Variants in FBXL17 observed in about 807,000 individuals in gnomAD.
FBXL17 encodes F-box/LRR-repeat protein 17.
In FBXL17, 22 loss-of-function variants were observed where a neutral mutation model predicts 66.2. That is an observed-to-expected ratio of 0.33 (90% CI 0.24 to 0.47). The LOEUF (loss-of-function observed/expected upper bound fraction) is 0.47, where lower values mean the gene tolerates loss of function less well. FBXL17 is among the 20% of genes least tolerant of loss of function. The pLI, the probability that FBXL17 is intolerant of heterozygous loss-of-function variation, is 1.00. For missense variants in FBXL17, 878 were observed against 948.2 expected (o/e 0.93, Z 0.97); for synonymous variants, 474 against 400.5 (o/e 1.18, Z -2.19).
chr5:108,150,761 T>C (rs1411886284), intron 6 of FBXL17, among the ~76,000 whole-genome samples: 2 of 152,208 alleles, frequency 1.3e-5, no homozygotes, highest in East Asian at 1.9e-4. Flanking sequence ...GATCACAGGA[T>C]CACATATGAA....
chr5:108,373,024 A>G (rs1233417740), intron 1 of FBXL17, among the ~76,000 whole-genome samples: 1 of 151,884 alleles, frequency 6.6e-6, no homozygotes, highest in Admixed American at 6.6e-5. Flanking sequence ...ATACAGGAGC[A>G]AAGTTTTTAT....
At chr5:108,002,653 TA>T (rs966603157) in intron 7 of FBXL17, among the ~76,000 whole-genome samples, 67 of 151,606 alleles carry the variant, frequency 4.4e-4, no homozygotes, top group African/African-American at 1.3e-3. Context: ...GGTGAAAGGA[TA>T]AAAAAAAGTG....
rs189014824 is a variant in FBXL17 at position 108,372,574 on chromosome 5, G to T, written c.994-4621C>A. ...AGGACACTCAATACAATCAACAACT[G>T]ATTTTTCACTGGAAACCATGGAGAC... On this transcript the variant is annotated intron_variant, in intron 1 of 8. Coordinates refer to ENST00000542267, the MANE Select transcript of FBXL17 (RefSeq NM_001163315.3). Among the ~76,000 whole-genome samples, 22 of 152,278 alleles carry T rather than the reference G, an allele frequency of 1.4e-4. No homozygotes were observed. In the South Asian group the frequency reaches 2.7e-3, roughly 19 times the overall value.
At chr5:108,009,616 C>T (rs1050394653) in intron 7 of FBXL17, among the ~76,000 whole-genome samples, 4 of 151,906 alleles carry the variant, frequency 2.6e-5, no homozygotes, top group Middle Eastern at 3.2e-3. Context: ...GAAAGAAACA[C>T]ATTTGACAGA....
chr5:108,338,452 C>T (rs1483617756), intron 4 of FBXL17, among the ~76,000 whole-genome samples: 1 of 152,052 alleles, frequency 6.6e-6, no homozygotes, highest in Non-Finnish European at 1.5e-5. Context: ...AGATTTTATG[C>T]TCCAATCAAA....
chr5:108,086,010 C>A (rs776399900), intron 6 of FBXL17, among the ~76,000 whole-genome samples: 4 of 152,142 alleles, frequency 2.6e-5, no homozygotes, highest in Non-Finnish European at 5.9e-5. Context: ...ATATCCCCTG[C>A]CCCTTTTTTC....
At chr5:108,171,318 G>A (rs1752597363) in intron 6 of FBXL17, among the ~76,000 whole-genome samples, 1 of 152,182 alleles carries the variant, frequency 6.6e-6, no homozygotes, top group Non-Finnish European at 1.5e-5. Flanking sequence ...AGAATAAGGT[G>A]TTGGAGGCAG....
In FBXL17 at chr5:108,264,253, A is replaced by T. The variant is rs185170850; in HGVS notation, c.1507-40025T>A. Among the ~76,000 whole-genome samples, 519 of 147,926 alleles carry T rather than the reference A, an allele frequency of 3.5e-3. 4 individuals are homozygous for T. Among genetic ancestry groups the T allele is most frequent in the African/African-American group, 0.012 (501 of 40,586 alleles). On this transcript the variant is annotated intron_variant, in intron 4 of 8. Coordinates refer to ENST00000542267, the MANE Select transcript of FBXL17 (RefSeq NM_001163315.3). ...AAAAAAAAAAAAAATCTCTACTTTA[A>T]ACGTCTCTTTTGAATGAAATCATTT...
At chr5:108,367,566 C>T (rs895047531) in intron 2 of FBXL17, among the ~76,000 whole-genome samples, 1 of 151,956 alleles carries the variant, frequency 6.6e-6, no homozygotes, top group Non-Finnish European at 1.5e-5. Context: ...AGTTTAATAA[C>T]TTTTTGAAAA....
intron 7 of FBXL17, among the ~76,000 whole-genome samples, chr5:107,930,304 T>C (rs1408510294): frequency 6.6e-6 from 1 of 152,126 alleles, no homozygotes; most frequent in Non-Finnish European, 1.5e-5. Flanking sequence ...CCAAACTCTC[T>C]CCCCTCTGCC....
intron 7 of FBXL17, among the ~76,000 whole-genome samples, chr5:107,999,339 A>T (rs532361466): frequency 6.6e-6 from 1 of 152,162 alleles, no homozygotes; most frequent in South Asian, 2.1e-4. Context: ...GGCACTAGCC[A>T]TGCAAGACTC....
At chr5:108,223,615 C>G (rs889103665) in intron 5 of FBXL17, among the ~76,000 whole-genome samples, 1 of 152,126 alleles carries the variant, frequency 6.6e-6, no homozygotes, top group Non-Finnish European at 1.5e-5. Flanking sequence ...TACTAAAGAA[C>G]TGGCAGTTTG....
intron 6 of FBXL17, among the ~76,000 whole-genome samples, chr5:108,172,237 T>C (rs1351916303): frequency 6.6e-6 from 1 of 152,204 alleles, no homozygotes; most frequent in Admixed American, 6.5e-5. Flanking sequence ...CACATGTTGG[T>C]GGCAGTATTC....
chr5:108,111,700 A>T (rs1375704186), intron 6 of FBXL17, among the ~76,000 whole-genome samples: 1 of 152,214 alleles, frequency 6.6e-6, no homozygotes, highest in African/African-American at 2.4e-5. Context: ...CTGTCTGTAC[A>T]TGCTAGCTTT....
At chr5:108,122,731 T>C (rs530507691) in intron 6 of FBXL17, among the ~76,000 whole-genome samples, 2 of 152,318 alleles carry the variant, frequency 1.3e-5, no homozygotes, top group African/African-American at 4.8e-5. Context: ...TATTGTCTAC[T>C]GAATTATTTA....
intron 7 of FBXL17, among the ~76,000 whole-genome samples, chr5:107,985,689 T>TA (rs1752988189): frequency 6.6e-6 from 1 of 152,224 alleles, no homozygotes; most frequent in South Asian, 2.1e-4. Flanking sequence ...GATCTCATAT[T>TA]AAACTATGGC....
intron 8 of FBXL17, among the ~76,000 whole-genome samples, chr5:107,875,109 T>C (rs1041735978): frequency 3.9e-4 from 56 of 143,104 alleles, no homozygotes; most frequent in Non-Finnish European, 5.0e-4. Flanking sequence ...CTCTCTCTCT[T>C]TTTTTTTTTT....
At chr5:108,244,499 T>C (rs947850702) in intron 4 of FBXL17, among the ~76,000 whole-genome samples, 17 of 152,172 alleles carry the variant, frequency 1.1e-4, no homozygotes, top group Admixed American at 9.8e-4. Flanking sequence ...AAGACCTGCA[T>C]GCCATGCGTA....
In FBXL17 at chr5:108,121,415, TAC is replaced by T. The variant is rs550180425; in HGVS notation, c.1745+64700_1745+64701del. Among the ~76,000 whole-genome samples, 31 of 152,312 alleles carry T rather than the reference TAC, an allele frequency of 2.0e-4. No individual in the cohort carries two copies. In the East Asian group the frequency reaches 5.8e-3, roughly 28 times the overall value. ...ATAGGAAGCACACATTTATATGCTCTACACACAAAGTCTTGACAAAAATGTAA... is the reference window on the plus strand; with the variant it reads ...ATAGGAAGCACACATTTATATGCTCTACACAAAGTCTTGACAAAAATGTAA... On this transcript the variant is annotated intron_variant, in intron 6 of 8. Transcript: ENST00000542267.
Sources: gnomAD v4.1 joint callset for allele counts (sites outside exome capture counted in the v4.1 genomes callset) on GRCh38, gnomAD v4.1.1 for gene constraint, MANE v1.5 for transcripts, NCBI Gene and HGNC (gene_info 2026-07-23, HGNC 2026-07-21) for gene names.